SLC7A7: variants seen among roughly 807,000 people sequenced by gnomAD.
SLC7A7 encodes Y+L amino acid transporter 1.
A neutral mutation model predicts 47.9 loss-of-function variants in SLC7A7; 39 were observed. The ratio of observed to expected loss-of-function variants is 0.81; its 90% CI spans 0.63 to 1.06. The LOEUF is 1.06. Ranked by LOEUF, SLC7A7 falls within the 50% of genes least tolerant of loss-of-function variation. The probability of loss-of-function intolerance (pLI) is 0.00; values close to 1 mark genes in which losing one functional copy is unlikely to be tolerated. For synonymous variants in SLC7A7, 234 were observed against 242.8 expected, an observed-to-expected ratio of 0.96 and a Z score of 0.34; for missense variants, 588 against 632.0, an observed-to-expected ratio of 0.93 and a Z score of 0.75.
chr14:22,813,346 G>A lies in SLC7A7; in HGVS notation c.53C>T (p.Ser18Phe). ...TGGGCTGGCCCCATCACCCAAAGGG[G>A]AGGTTTCCACCTCAGGCTGGGAGGC... ...EVASQPEVET[S>F]PLGDGASPGP... is the part of the protein sequence containing the mutation. The change falls in exon 2 of 10, where the codon TCC (serine) becomes TTC (phenylalanine). Residue 18 changes from serine to phenylalanine, a missense_variant. Physicochemically the swap from Ser to Phe is radical, Grantham distance 155 (BLOSUM62 -2). Transcript: ENST00000674313. The A allele has an allele frequency of 6.2e-7, 1 of 1,614,024 alleles. No individual in the cohort carries two copies. The highest frequency in any genetic ancestry group is 8.5e-7 in the Non-Finnish European group (1 of 1,180,044).
At chr14:22,780,896 C>A (rs140242903) in intron 2 of SLC7A7, among the ~76,000 whole-genome samples, 238 of 152,182 alleles carry the variant, frequency 1.6e-3, no homozygotes, top group Non-Finnish European at 2.5e-3. Flanking sequence ...CATTATCCCT[C>A]CCCCAACAAA....
intron 2 of SLC7A7, among the ~76,000 whole-genome samples, chr14:22,803,076 A>C (rs1176436945): frequency 1.3e-5 from 2 of 152,204 alleles, no homozygotes; most frequent in African/African-American, 4.8e-5. Flanking sequence ...ACATATGTTT[A>C]TATTCTAGAG....
At chr14:22,787,215 C>A (rs1312132124) in intron 2 of SLC7A7, among the ~76,000 whole-genome samples, 1 of 152,016 alleles carries the variant, frequency 6.6e-6, no homozygotes, top group Admixed American at 6.6e-5. Flanking sequence ...GAGGGAGGAT[C>A]ACCTGAGGTC....
At chr14:22,798,601 T>C (rs2039057631) in intron 2 of SLC7A7, among the ~76,000 whole-genome samples, 1 of 150,858 alleles carries the variant, frequency 6.6e-6, no homozygotes, top group Admixed American at 6.6e-5. Flanking sequence ...CTTAACTCTT[T>C]TTCATAAAAT....
At chr14:22,810,103 G>A (rs2034854098) in intron 2 of SLC7A7, among the ~76,000 whole-genome samples, 1 of 150,278 alleles carries the variant, frequency 6.7e-6, no homozygotes. Flanking sequence ...GACTGGCAGA[G>A]GTAGGCACAA....
At chr14:22,819,029 T>A (rs985107948), upstream of SLC7A7, among the ~76,000 whole-genome samples, 1 of 152,088 alleles carries the variant, frequency 6.6e-6, no homozygotes. Flanking sequence ...GTGGAAGAAA[T>A]TTGATTCAGA....
chr14:22,792,867 A>AAGAGAGAGAGAGATAGAGAGAGAG (rs2038947364), intron 2 of SLC7A7, among the ~76,000 whole-genome samples: 1 of 122,466 alleles, frequency 8.2e-6, no homozygotes, highest in African/African-American at 3.1e-5. Flanking sequence ...CAAAGAAAGA[A>AAGAGAGAGAGAGATAGAGAGAGAG]AGAGAGAGAG....
intron 2 of SLC7A7, among the ~76,000 whole-genome samples, chr14:22,791,368 C>G (rs974173567): frequency 6.6e-6 from 1 of 152,152 alleles, no homozygotes; most frequent in African/African-American, 2.4e-5. Context: ...CAGCCTTCAG[C>G]TGACAAAGAG....
intron 2 of SLC7A7, among the ~76,000 whole-genome samples, chr14:22,800,720 C>T (rs1200843214): frequency 6.6e-6 from 1 of 152,034 alleles, no homozygotes; most frequent in Non-Finnish European, 1.5e-5. Flanking sequence ...GGGTAGATCA[C>T]CTGAGGTCAG....
At chr14:22,783,421 G>C (rs1369483586) in intron 2 of SLC7A7, among the ~76,000 whole-genome samples, 2 of 135,686 alleles carry the variant, frequency 1.5e-5, no homozygotes, top group Admixed American at 7.6e-5. Flanking sequence ...TTTTTTTTTC[G>C]AGACAGTCTT....
chr14:22,794,186 A>T (rs1011024710), intron 2 of SLC7A7, among the ~76,000 whole-genome samples: 11 of 152,228 alleles, frequency 7.2e-5, no homozygotes, highest in Non-Finnish European at 1.6e-4. Flanking sequence ...GCTCTGTGTG[A>T]ATTACTCATT....
At chr14:22,788,851 A>G (rs6572754) in intron 2 of SLC7A7, among the ~76,000 whole-genome samples, 117,823 of 152,060 alleles carry the variant, frequency 0.77, 45,917 homozygotes, top group East Asian at 0.84. Flanking sequence ...CAATGCTACT[A>G]GAAGTCAGAA....
intron 2 of SLC7A7, 127 bp downstream of exon 2, chr14:22,812,773 C>CCATATATATATATATA (rs138455882): frequency 2.5e-6 from 1 of 398,386 alleles, no homozygotes; most frequent in East Asian, 4.8e-5. Flanking sequence ...CATACTTTAA[C>CCATATATATATATATA]TATATATATA....
At chr14:22,785,746 A>G (rs910079417) in intron 2 of SLC7A7, among the ~76,000 whole-genome samples, 6 of 149,404 alleles carry the variant, frequency 4.0e-5, no homozygotes, top group Admixed American at 1.3e-4. Flanking sequence ...AAAAAAAGCC[A>G]GGCGCGGTGG....
In SLC7A7 at chr14:22,776,447, C is replaced by T. The variant is rs989396254; in HGVS notation, c.771-129G>A. Reference sequence around the variant, plus strand: ...AGACTGTTGCTACATTTCCTCAATGCATTTGTCTTTGACGGTGCCCTGGAT... The same window carrying T: ...AGACTGTTGCTACATTTCCTCAATGTATTTGTCTTTGACGGTGCCCTGGAT... On this transcript the variant is annotated intron_variant, in intron 4 of 9. Coordinates refer to ENST00000674313, the MANE Select transcript of SLC7A7 (RefSeq NM_003982.4). 3 of 1,236,552 alleles carry T rather than the reference C, an allele frequency of 2.4e-6. No homozygotes were observed. The African/African-American group carries it at 4.4e-5, about 18-fold the overall frequency. The allele number at this position is 1,236,552 out of a possible 1,614,324, so 76.6% of individuals were successfully genotyped here.
At chr14:22,773,811 A>G in intron 9 of SLC7A7, 95 bp from the exon 10 acceptor site, 5 of 1,538,770 alleles carry the variant, frequency 3.2e-6, no homozygotes, top group Non-Finnish European at 2.7e-6. Context: ...GAGTGATTCC[A>G]CTAAGCCGAA....
intron 2 of SLC7A7, among the ~76,000 whole-genome samples, chr14:22,808,801 T>C (rs1015940757): frequency 6.6e-6 from 1 of 152,174 alleles, no homozygotes; most frequent in Non-Finnish European, 1.5e-5. Flanking sequence ...CCAGATATTA[T>C]CTATGCAGTA....
rs188312253 is a variant in SLC7A7, at chr14:22,773,868, T to C, written c.1429+65A>G. ...GGCAAAGATGTCTTTGGAGGCTGGA[T>C]TTACAGAAAAAGGCAAAAACCAAGC... On this transcript the variant is annotated intron_variant, in intron 9 of 9. Coordinates refer to ENST00000674313, the MANE Select transcript of SLC7A7 (RefSeq NM_003982.4). 2.3e-3 allele frequency: 3,696 copies of C among 1,603,280 alleles called. 146 individuals are homozygous for C. The Admixed American group carries it at 0.059, about 26-fold the overall frequency.
chr14:22,809,738 T>C (rs2039272771), intron 2 of SLC7A7, among the ~76,000 whole-genome samples: 1 of 152,086 alleles, frequency 6.6e-6, no homozygotes, highest in African/African-American at 2.4e-5. Flanking sequence ...ACCCGGCCTT[T>C]GCATGTATTC....
Sources: allele counts gnomAD v4.1 joint callset (sites outside exome capture counted in the v4.1 genomes callset), GRCh38; gene constraint gnomAD v4.1.1; transcripts MANE v1.5; gene names NCBI Gene and HGNC (gene_info 2026-07-23, HGNC 2026-07-21).